DLG1: variants seen among roughly 807,000 people sequenced by gnomAD.
DLG1 encodes the protein discs large MAGUK scaffold protein 1.
DLG1 carries 42 observed loss-of-function variants against 123.4 expected under a neutral mutation model. That is an observed-to-expected ratio of 0.34 (90% CI 0.27 to 0.44). The LOEUF is 0.44. DLG1 is among the 20% of genes least tolerant of loss of function. The probability of loss-of-function intolerance (pLI) is 1.00; values close to 1 mark genes in which losing one functional copy is unlikely to be tolerated. For missense variants in DLG1, 942 were observed against 1,082.6 expected, an observed-to-expected ratio of 0.87 and a Z score of 1.82; for synonymous variants, 317 against 356.2, an observed-to-expected ratio of 0.89 and a Z score of 1.24.
At chr3:197,245,567 CA>C (rs930445027) in intron 4 of DLG1, among the ~76,000 whole-genome samples, 20 of 152,172 alleles carry the variant, frequency 1.3e-4, no homozygotes, top group African/African-American at 4.8e-4. Context: ...TTAAGAACTG[CA>C]TCACACATAG....
At chr3:197,211,862 T>C (rs572947393) in intron 4 of DLG1, among the ~76,000 whole-genome samples, 2 of 146,286 alleles carry the variant, frequency 1.4e-5, no homozygotes, top group African/African-American at 4.9e-5. Flanking sequence ...AATGACAGAC[T>C]GGCTAAAAAA....
chr3:197,109,948 C>A (rs1004686715), intron 13 of DLG1, among the ~76,000 whole-genome samples: 1 of 152,060 alleles, frequency 6.6e-6, no homozygotes, highest in Admixed American at 6.6e-5. Flanking sequence ...TTAGACAGTT[C>A]GATTGTAATG....
Position 197,075,751 on chromosome 3 carries a change from C to G in DLG1, c.2005+835G>C. 4.1e-6 allele frequency: 5 copies of G among 1,229,840 alleles called. No individual in the cohort carries two copies. In the Admixed American group the frequency reaches 9.7e-5, roughly 24 times the overall value. 76.2% of individuals were successfully genotyped at this position (1,229,840 alleles called of 1,614,324 possible). ...TACACCTCCTTATGCCAGAAAGGCA[C>G]TACCATGAATCTCAAAATGTATCTG... On this transcript the variant is annotated intron_variant, in intron 18 of 24. Transcript: ENST00000667157.
At chr3:197,297,043 T>C (rs1777772404) in intron 2 of DLG1, 143 bp downstream of exon 2, 1 of 852,202 alleles carries the variant, frequency 1.2e-6, no homozygotes, top group Non-Finnish European at 1.9e-6. Context: ...TGAAATGATA[T>C]GAGGCTTAGA....
intron 4 of DLG1, among the ~76,000 whole-genome samples, chr3:197,196,900 A>C (rs1358572306): frequency 2.0e-5 from 3 of 152,206 alleles, no homozygotes; most frequent in South Asian, 2.1e-4. Context: ...ATTTTTAAGC[A>C]ACACTGTATG....
chr3:197,051,590 A>AT lies in DLG1; in HGVS notation c.2561_2562insA (p.Glu855Ter). On this transcript the variant is annotated frameshift_variant, in exon 24 of 25. Coordinates refer to ENST00000667157, the MANE Select transcript of DLG1 (RefSeq NM_001366207.1). LOFTEE classifies it high-confidence loss of function. ...CACGGTTCCAACCTGTGAAATGTTCAGTAAACTCCTGTTCCAGTTTCATGG... is the reference window on the plus strand; with the variant it reads ...CACGGTTCCAACCTGTGAAATGTTCATGTAAACTCCTGTTCCAGTTTCATGG... 1 of 1,613,900 alleles carries AT rather than the reference A, an allele frequency of 6.2e-7. No individual in the cohort carries two copies. The highest frequency in any genetic ancestry group is 8.5e-7 in the Non-Finnish European group (1 of 1,179,764).
At chr3:197,093,902 G>C (rs1173918766) in intron 14 of DLG1, among the ~76,000 whole-genome samples, 1 of 152,170 alleles carries the variant, frequency 6.6e-6, no homozygotes, top group Non-Finnish European at 1.5e-5. Flanking sequence ...ATCTGGGCTA[G>C]TGCTTTGGGT....
chr3:197,247,672 T>C (rs1752417994), intron 4 of DLG1, among the ~76,000 whole-genome samples: 1 of 152,182 alleles, frequency 6.6e-6, no homozygotes, highest in African/African-American at 2.4e-5. Flanking sequence ...TATTTTATCA[T>C]CTGTTGCTTT....
At chr3:197,109,890 C>T (rs1386647594) in intron 13 of DLG1, among the ~76,000 whole-genome samples, 2 of 152,278 alleles carry the variant, frequency 1.3e-5, no homozygotes, top group South Asian at 2.1e-4. Context: ...ATCCCTTGCA[C>T]GTGGTGAGTC....
At chr3:197,288,743 A>AAACAAACATAC in intron 3 of DLG1, among the ~76,000 whole-genome samples, 1 of 72,078 alleles carries the variant, frequency 1.4e-5, no homozygotes, top group Non-Finnish European at 2.4e-5. Flanking sequence ...AAAAAAAAAA[A>AAACAAACATAC]ATACATACAT....
chr3:197,221,232 C>T lies in DLG1; in HGVS notation c.319-26643G>A, dbSNP rs571696169. On this transcript the variant is annotated intron_variant, in intron 4 of 24. Transcript: ENST00000667157. Reference sequence around the variant, plus strand: ...AAGTGAGAAGGATAAAGAAACATAACAGGGACCGGGCGTGGTGGCTCACGC... The same window carrying T: ...AAGTGAGAAGGATAAAGAAACATAATAGGGACCGGGCGTGGTGGCTCACGC... Among the ~76,000 whole-genome samples the T allele has an allele frequency of 2.6e-5, 4 of 152,260 alleles. No homozygotes were observed. The East Asian group carries it at 7.7e-4, about 29-fold the overall frequency.
At chr3:197,155,280 G>A (rs1482405684) in intron 5 of DLG1, among the ~76,000 whole-genome samples, 1 of 152,158 alleles carries the variant, frequency 6.6e-6, no homozygotes, top group African/African-American at 2.4e-5. Flanking sequence ...AATACTCACT[G>A]CTAAAATAAG....
intron 3 of DLG1, among the ~76,000 whole-genome samples, chr3:197,292,637 T>C (rs1354959003): frequency 1.3e-5 from 2 of 152,160 alleles, no homozygotes; most frequent in Non-Finnish European, 2.9e-5. Context: ...AAAGATAGGG[T>C]AATGTCCTTT....
chr3:197,117,142 G>A (rs770878722), intron 12 of DLG1, among the ~76,000 whole-genome samples: 19 of 152,072 alleles, frequency 1.2e-4, no homozygotes, highest in Non-Finnish European at 2.5e-4. Context: ...AGATACTTCA[G>A]GTCTACTAGG....
At chr3:197,090,612 C>T (rs545327454) in intron 15 of DLG1, among the ~76,000 whole-genome samples, 2 of 152,126 alleles carry the variant, frequency 1.3e-5, no homozygotes, top group South Asian at 4.1e-4. Context: ...ATGATATCAT[C>T]AAGCTTGTAG....
chr3:197,163,787 T>C (rs528702454), intron 5 of DLG1, among the ~76,000 whole-genome samples: 112 of 148,478 alleles, frequency 7.5e-4, no homozygotes, highest in African/African-American at 2.7e-3. Context: ...TCCACCCACC[T>C]TGGCCTTCCA....
At chr3:197,289,632 T>C (rs1445633243) in intron 3 of DLG1, among the ~76,000 whole-genome samples, 2 of 152,148 alleles carry the variant, frequency 1.3e-5, no homozygotes, top group African/African-American at 4.8e-5. Flanking sequence ...ATTCAGACAA[T>C]ACCCAATTGA....
intron 15 of DLG1, among the ~76,000 whole-genome samples, chr3:197,086,547 T>A (rs893967012): frequency 6.6e-5 from 10 of 152,306 alleles, no homozygotes; most frequent in African/African-American, 2.4e-4. Context: ...GAAATTAGGA[T>A]GAAAATCGTA....
At position 197,081,942 on chromosome 3, in the gene DLG1, G is replaced by A. The variant is rs556756935; in HGVS notation, c.1839-825C>T. ...AAGCTTTCATAAATTCTCCAATTTC[G>A]ACATAGCAATTATGTTAGCATATAA... On this transcript the variant is annotated intron_variant, in intron 16 of 24. Coordinates refer to ENST00000667157, the MANE Select transcript of DLG1 (RefSeq NM_001366207.1). 2.0e-5 allele frequency among the ~76,000 whole-genome samples: 3 copies of A among 152,124 alleles called. No individual in the cohort carries two copies. The South Asian group carries it at 6.2e-4, about 32-fold the overall frequency.
Sources: allele counts gnomAD v4.1 joint callset (sites outside exome capture counted in the v4.1 genomes callset), GRCh38; gene constraint gnomAD v4.1.1; transcripts MANE v1.5; gene names NCBI Gene and HGNC (gene_info 2026-07-23, HGNC 2026-07-21).